TTC6: variants seen among roughly 807,000 people sequenced by gnomAD.
TTC6 encodes tetratricopeptide repeat protein 6.
In TTC6, 172 loss-of-function variants were observed where a neutral mutation model predicts 210.4. The ratio of observed to expected loss-of-function variants is 0.82; its 90% CI spans 0.72 to 0.93. The LOEUF (loss-of-function observed/expected upper bound fraction) is 0.93, where lower values mean the gene tolerates loss of function less well. Among genes scored for constraint, TTC6 ranks in the 40% least tolerant of loss-of-function variants. The pLI is 0.00. For synonymous variants in TTC6, 804 were observed against 819.6 expected (o/e 0.98, Z 0.32); for missense variants, 2,414 against 2,318.1 (o/e 1.04, Z -0.85).
At chr14:37,716,259 G>A (rs865869559) in intron 6 of TTC6, among the ~76,000 whole-genome samples, 3 of 152,024 alleles carry the variant, frequency 2.0e-5, no homozygotes, top group South Asian at 2.1e-4. Flanking sequence ...TTCAAGTAAT[G>A]TACAGGAAGA....
intron 6 of TTC6, among the ~76,000 whole-genome samples, chr14:37,721,874 A>ATATG (rs1161444748): frequency 4.6e-5 from 6 of 130,076 alleles, no homozygotes; most frequent in Admixed American, 3.2e-4. Flanking sequence ...ATATATATAT[A>ATATG]TATGTATATA....
intron 2 of TTC6, among the ~76,000 whole-genome samples, chr14:37,616,558 A>G (rs571413566): frequency 1.3e-5 from 2 of 152,244 alleles, no homozygotes; most frequent in East Asian, 1.9e-4. Flanking sequence ...TTAGCCAGGC[A>G]TGGTGGCGGG....
intron 4 of TTC6, 125 bp downstream of exon 6, chr14:37,696,960 T>G (rs2095816034): frequency 2.4e-6 from 1 of 422,324 alleles, no homozygotes; most frequent in Non-Finnish European, 4.0e-6. Context: ...AGACCTAAGT[T>G]AAACCTTCTC....
intron 15 of TTC6, among the ~76,000 whole-genome samples, chr14:37,788,377 C>A (rs574103408): frequency 6.6e-6 from 1 of 152,210 alleles, no homozygotes; most frequent in South Asian, 2.1e-4. Context: ...TCCCATCATC[C>A]TAGATTAGAC....
chr14:37,637,026 A>T (rs2139367459), intron 1 of TTC6, among the ~76,000 whole-genome samples: 1 of 152,320 alleles, frequency 6.6e-6, no homozygotes, highest in East Asian at 1.9e-4. Flanking sequence ...GACAAAGTGC[A>T]GAAGCAGTTA....
At chr14:37,814,511 A>G (rs576009795) in intron 25 of TTC6, among the ~76,000 whole-genome samples, 10 of 152,322 alleles carry the variant, frequency 6.6e-5, no homozygotes, top group African/African-American at 2.4e-4. Context: ...AAGAAATGAT[A>G]ATATAGAAGA....
At chr14:37,679,522 A>G (rs1409594802) in intron 1 of TTC6, among the ~76,000 whole-genome samples, 2 of 152,048 alleles carry the variant, frequency 1.3e-5, no homozygotes, top group Admixed American at 1.3e-4. Context: ...ATTAAATTTT[A>G]GTTTTGATTT....
intron 14 of TTC6, among the ~76,000 whole-genome samples, chr14:37,768,784 AC>A (rs1446648361): frequency 3.9e-5 from 6 of 151,970 alleles, no homozygotes; most frequent in African/African-American, 7.3e-5. Context: ...CTAATTGAAT[AC>A]CCTTTATTTC....
exon 27 of TTC6, chr14:37,823,751 A>G (rs886426144): frequency 2.0e-5 from 33 of 1,612,854 alleles, no homozygotes; most frequent in Non-Finnish European, 2.6e-5. Flanking sequence ...TTGCAGAATT[A>G]ATGAGTTTGA....
intron 7 of TTC6, among the ~76,000 whole-genome samples, chr14:37,729,742 T>G (rs1479836524): frequency 6.6e-6 from 1 of 152,186 alleles, no homozygotes; most frequent in Non-Finnish European, 1.5e-5. Context: ...TCCTATACTG[T>G]TGGCGTCTAC....
chr14:37,682,916 T>A (rs1357182190), exon 3 of TTC6: 6 of 1,535,470 alleles, frequency 3.9e-6, no homozygotes, highest in Non-Finnish European at 5.2e-6. Context: ...CTTTGGAAGA[T>A]GGACAGCCCA....
chr14:37,637,308 A>G (rs577701856), intron 1 of TTC6, among the ~76,000 whole-genome samples: 5 of 152,366 alleles, frequency 3.3e-5, no homozygotes, highest in African/African-American at 1.2e-4. Flanking sequence ...AAATTGAGAC[A>G]TTGGACTTTA....
intron 6 of TTC6, among the ~76,000 whole-genome samples, chr14:37,716,027 T>C (rs2095852098): frequency 6.6e-6 from 1 of 152,016 alleles, no homozygotes; most frequent in Admixed American, 6.6e-5. Flanking sequence ...TGTAACAGAA[T>C]ATAGAGGAAG....
chr14:37,603,197 G>A (rs890654038), intron 1 of TTC6, among the ~76,000 whole-genome samples: 5 of 152,194 alleles, frequency 3.3e-5, no homozygotes, highest in African/African-American at 1.2e-4. Context: ...GACGCTGACC[G>A]CAGTGCTGCC....
exon 10 of TTC6, chr14:37,739,097 C>G: frequency 5.2e-6 from 8 of 1,528,800 alleles, no homozygotes; most frequent in Non-Finnish European, 7.0e-6. Context: ...AAGATTGAAA[C>G]AACAAAAACT....
chr14:37,757,463 T>TG (rs2095971522), intron 14 of TTC6, among the ~76,000 whole-genome samples: 3 of 151,946 alleles, frequency 2.0e-5, no homozygotes, highest in Non-Finnish European at 4.4e-5. Flanking sequence ...TTAGTAGAGA[T>TG]GGGGTTTCAC....
At chr14:37,691,049 G>T (rs770258155) in intron 3 of TTC6, among the ~76,000 whole-genome samples, 1 of 152,036 alleles carries the variant, frequency 6.6e-6, no homozygotes, top group Admixed American at 6.6e-5. Flanking sequence ...AGTAAAACCG[G>T]TCAGGTGTGG....
chr14:37,750,903 A>G, intron 12 of TTC6, 150 bp from the exon 15 acceptor site: 1 of 460,138 alleles, frequency 2.2e-6, no homozygotes, highest in Non-Finnish European at 3.6e-6. Context: ...AAATAAAATA[A>G]AATAGAATAA....
intron 25 of TTC6, among the ~76,000 whole-genome samples, chr14:37,813,054 A>G (rs2096133241): frequency 6.6e-6 from 1 of 152,236 alleles, no homozygotes; most frequent in Non-Finnish European, 1.5e-5. Flanking sequence ...CAGAAGGTAA[A>G]AATTAAATAG....
Sources: allele counts gnomAD v4.1 joint callset (sites outside exome capture counted in the v4.1 genomes callset), GRCh38; gene constraint gnomAD v4.1.1; transcripts MANE v1.5; gene names NCBI Gene and HGNC (gene_info 2026-07-23, HGNC 2026-07-21).